Variants in ITPR1 observed in about 807,000 individuals in gnomAD.
ITPR1 encodes the protein inositol 1,4,5-trisphosphate receptor type 1.
In ITPR1, 96 loss-of-function variants were observed where a neutral mutation model predicts 318.4. That is an observed-to-expected ratio of 0.30 (90% CI 0.26 to 0.36). The LOEUF is 0.36. Among genes scored for constraint, ITPR1 ranks in the 10% least tolerant of loss-of-function variants. ITPR1 has a pLI of 1.00. For synonymous variants in ITPR1, 1,312 were observed against 1,289.9 expected (o/e 1.02, Z -0.37); for missense variants, 2,440 against 3,460.2 (o/e 0.71, Z 7.40).
chr3:4,779,484 C>T lies in ITPR1; in HGVS notation c.6292-66C>T. ...GATGCCTCCCATGTGCCAGTTGGCA[C>T]CTGCATTCAGGCCGGGCCCCCAAGC... is the stretch of plus-strand genomic sequence containing the variant. On this transcript the variant is annotated intron_variant, in intron 48 of 61. Transcript: ENST00000649015. The surrounding 1 kb of genome is among the most constrained non-coding windows in gnomAD (Gnocchi z 4.0). The T allele has an allele frequency of 8.4e-7, 1 of 1,186,776 alleles. No individual in the cohort carries two copies. The highest frequency in any genetic ancestry group is 1.2e-5 in the South Asian group (1 of 82,084). The allele number at this position is 1,186,776 out of a possible 1,614,324, so 73.5% of individuals were successfully genotyped here. A position where few individuals can be genotyped will look rare whatever the true frequency, so the allele number is the denominator to read the frequency against.
intron 4 of ITPR1, among the ~76,000 whole-genome samples, chr3:4,623,544 C>A (rs7638474): frequency 0.079 from 12,066 of 152,126 alleles, 574 homozygotes; most frequent in Middle Eastern, 0.13. Context: ...TGTTCTCCTT[C>A]CCCCAAATAA....
At chr3:4,538,741 T>C (rs2084114160) in intron 4 of ITPR1, among the ~76,000 whole-genome samples, 1 of 152,186 alleles carries the variant, frequency 6.6e-6, no homozygotes, top group African/African-American at 2.4e-5. Context: ...ATCATGTCCT[T>C]TGCAGGGACA....
At chr3:4,535,442 A>ATTTTTTTTTTTTTTTTTTTTTTTTTTTT (rs34152018) in intron 4 of ITPR1, among the ~76,000 whole-genome samples, 1 of 100,982 alleles carries the variant, frequency 9.9e-6, no homozygotes, top group Non-Finnish European at 1.8e-5. Context: ...TTTTTTTTTA[A>ATTTTTTTTTTTTTTTTTTTTTTTTTTTT]TTTTTTTTTT....
chr3:4,641,723 A>G (rs1401871945), intron 6 of ITPR1, among the ~76,000 whole-genome samples: 4 of 152,068 alleles, frequency 2.6e-5, no homozygotes, highest in Non-Finnish European at 4.4e-5. Context: ...GGCCTTCCTC[A>G]GCTCCACCTT....
At chr3:4,711,168 G>T (rs935525485) in intron 38 of ITPR1, among the ~76,000 whole-genome samples, 1 of 137,420 alleles carries the variant, frequency 7.3e-6, no homozygotes, top group Non-Finnish European at 1.5e-5. Context: ...CCAAGATCGC[G>T]CTACTGCACT....
intron 43 of ITPR1, 78 bp downstream of exon 43, chr3:4,733,298 T>C (rs2125318261): frequency 1.3e-6 from 2 of 1,521,392 alleles, no homozygotes; most frequent in Non-Finnish European, 9.0e-7. Context: ...TCCTAACAGG[T>C]TGAAATGCTC....
At chr3:4,811,511 TTATAAC>T in intron 56 of ITPR1, 51 bp downstream of exon 56, 2 of 1,465,942 alleles carry the variant, frequency 1.4e-6, no homozygotes, top group Non-Finnish European at 1.9e-6. Flanking sequence ...TATTTCCTGA[TTATAAC>T]TGAACTAAAG....
intron 46 of ITPR1, among the ~76,000 whole-genome samples, chr3:4,772,054 C>A (rs1185891463): frequency 1.3e-5 from 2 of 152,212 alleles, no homozygotes; most frequent in African/African-American, 4.8e-5. Flanking sequence ...AAAACTCCTG[C>A]AAAATCAGAT....
At chr3:4,769,308 G>T (rs574735871) in intron 46 of ITPR1, among the ~76,000 whole-genome samples, 112 of 152,278 alleles carry the variant, frequency 7.4e-4, no homozygotes, top group African/African-American at 2.6e-3. Flanking sequence ...CAACATAGGT[G>T]CCTGCCCCAT....
chr3:4,829,954 GTTT>G (rs35099159), intron 60 of ITPR1, among the ~76,000 whole-genome samples: 3 of 27,096 alleles, frequency 1.1e-4, no homozygotes, highest in Non-Finnish European at 1.5e-4. Flanking sequence ...ATGTATAACA[GTTT>G]TTTTTTTTTT....
chr3:4,726,522 A>G (rs2042528865), intron 41 of ITPR1, among the ~76,000 whole-genome samples: 1 of 152,226 alleles, frequency 6.6e-6, no homozygotes, highest in Non-Finnish European at 1.5e-5. Context: ...AATGAAGTGT[A>G]CTTTATTTGA....
chr3:4,547,654 A>G (rs1251711767), intron 4 of ITPR1, among the ~76,000 whole-genome samples: 2 of 152,250 alleles, frequency 1.3e-5, no homozygotes, highest in African/African-American at 2.4e-5. Flanking sequence ...TAATATCCAC[A>G]TCAAGAAAGG....
At chr3:4,530,547 G>T (rs1046945750) in intron 4 of ITPR1, among the ~76,000 whole-genome samples, 2 of 152,192 alleles carry the variant, frequency 1.3e-5, no homozygotes, top group African/African-American at 4.8e-5. Flanking sequence ...ACTTTGAGAG[G>T]CCAAGGCGGG....
intron 4 of ITPR1, among the ~76,000 whole-genome samples, chr3:4,614,428 C>G (rs1271869903): frequency 2.0e-5 from 3 of 152,178 alleles, no homozygotes; most frequent in Non-Finnish European, 1.5e-5. Context: ...AATGTTTACT[C>G]TGTGCCAGGA....
intron 55 of ITPR1, among the ~76,000 whole-genome samples, chr3:4,808,446 C>G (rs1427948288): frequency 6.6e-6 from 1 of 152,226 alleles, no homozygotes; most frequent in Non-Finnish European, 1.5e-5. Context: ...GCTTTCAAGT[C>G]TCCAACCTAT....
intron 4 of ITPR1, among the ~76,000 whole-genome samples, chr3:4,612,190 T>TC (rs2092166294): frequency 1.3e-5 from 2 of 150,508 alleles, no homozygotes; most frequent in African/African-American, 4.9e-5. Context: ...GCCTCCCGAG[T>TC]AGCTGGGATT....
At chr3:4,644,010 T>C in intron 7 of ITPR1, 126 bp from the exon 8 acceptor site, 1 of 666,300 alleles carries the variant, frequency 1.5e-6, no homozygotes, top group South Asian at 1.6e-5. Flanking sequence ...GCTACATCTT[T>C]ATACTTGCTG....
chr3:4,697,053 C>A, intron 33 of ITPR1, 94 bp from the exon 34 acceptor site: 3 of 1,140,366 alleles, frequency 2.6e-6, no homozygotes, highest in South Asian at 1.5e-5. Flanking sequence ...ATGGGATGAC[C>A]ATTTTCATCG....
intron 33 of ITPR1, among the ~76,000 whole-genome samples, chr3:4,694,036 T>C (rs1036893543): frequency 2.0e-5 from 3 of 152,244 alleles, no homozygotes; most frequent in Non-Finnish European, 2.9e-5. Context: ...ATGACCTGAA[T>C]GAACTTTTCA....
Sources: allele counts gnomAD v4.1 joint callset (sites outside exome capture counted in the v4.1 genomes callset), GRCh38; gene constraint gnomAD v4.1.1; non-coding constraint Gnocchi (gnomAD v3.1); transcripts MANE v1.5; gene names NCBI Gene and HGNC (gene_info 2026-07-23, HGNC 2026-07-21).